CHURC1: variants seen among roughly 807,000 people sequenced by gnomAD.
CHURC1 encodes protein Churchill.
Under a neutral mutation model 15.4 loss-of-function variants are expected in CHURC1, and 12 were observed. That is an observed-to-expected ratio of 0.78 (90% CI 0.50 to 1.27). The LOEUF is 1.27. Ranked by LOEUF, CHURC1 falls within the 50% of genes most tolerant of loss-of-function variation. The pLI is 0.00. For missense variants in CHURC1, 132 were observed against 137.8 expected (o/e 0.96, Z 0.21); for synonymous variants, 42 against 47.5 (o/e 0.88, Z 0.48).
chr14:64,931,677 A>T (rs1296569469), intron 3 of CHURC1, among the ~76,000 whole-genome samples: 1 of 152,228 alleles, frequency 6.6e-6, no homozygotes, highest in South Asian at 2.1e-4. Context: ...TCTGAAAATG[A>T]GGCAGGACAT....
chr14:64,926,010 A>G lies in CHURC1; in HGVS notation c.176A>G (p.His59Arg). 6.3e-7 allele frequency: 1 copy of G among 1,595,292 alleles called. No individual in the cohort carries two copies. The highest frequency in any genetic ancestry group is 1.7e-4 in the Middle Eastern group (1 of 6,000). The change falls in exon 3 of 4, where the codon CAT becomes CGT. Residue 59 changes from histidine to arginine, a missense_variant and splice_region_variant. Physicochemically the swap from His to Arg is conservative, Grantham distance 29 (BLOSUM62 0). Transcript: ENST00000549115. ...EDGEEIVTYD[H>R]LCKNCHHVIA... is the part of the protein sequence containing the mutation. ...CGTAAGTCTCTCTTTGTTTTAGCAG[A>G]TTTGTGTAAGAATTGTCATCATGTA... is the stretch of plus-strand genomic sequence containing the variant.
At position 64,933,777 on chromosome 14, in the gene CHURC1, G is replaced by A. The variant is rs765612461; in HGVS notation, c.*1547G>A. The A allele has an allele frequency of 1.9e-5, 19 of 985,426 alleles. No individual in the cohort carries two copies. The highest frequency in any genetic ancestry group is 2.3e-5 in the Non-Finnish European group (19 of 829,924). 61.0% of individuals were successfully genotyped at this position (985,426 alleles called of 1,614,324 possible). A position where few individuals can be genotyped will look rare whatever the true frequency, so the allele number is the denominator to read the frequency against. On this transcript the variant is annotated 3_prime_UTR_variant, in exon 4 of 4. Coordinates refer to ENST00000549115, the MANE Select transcript of CHURC1 (RefSeq NM_001386928.1). ...AAGGTCTTATAAGAACAAGAAATGA[G>A]CAAAGTGTTCATTGTAGATACTAGG...
intron 3 of CHURC1, among the ~76,000 whole-genome samples, chr14:64,931,785 T>C (rs1253421070): frequency 6.6e-6 from 1 of 152,230 alleles, no homozygotes; most frequent in Non-Finnish European, 1.5e-5. Flanking sequence ...GTTTCTGTTG[T>C]GTATTAGTGT....
chr14:64,927,608 G>C (rs995916325), intron 3 of CHURC1, among the ~76,000 whole-genome samples: 17 of 151,928 alleles, frequency 1.1e-4, no homozygotes, highest in African/African-American at 3.4e-4. Context: ...TCTGGGACAG[G>C]AAGAAGGTAA....
intron 1 of CHURC1, among the ~76,000 whole-genome samples, chr14:64,921,266 A>G (rs1280545600): frequency 2.0e-5 from 3 of 152,174 alleles, no homozygotes; most frequent in Non-Finnish European, 4.4e-5. Flanking sequence ...AATGTAAGAA[A>G]CTTTGTGCAA....
chr14:64,932,187 G>T lies in CHURC1; in HGVS notation c.296G>T (p.Ser99Ile), dbSNP rs373972025. 6.2e-7 allele frequency: 1 copy of T among 1,613,884 alleles called. No individual in the cohort carries two copies. Among genetic ancestry groups the T allele is most frequent in the African/African-American group, 1.3e-5 (1 of 74,918 alleles). ...LLCGKAEDTI[S>I]ILPDDPRQMT... ...TGCGGCAAAGCCGAAGATACTATCA[G>T]TATTCTCCCTGATGACCCCCGACAA... Residue 99 changes from serine (S) to isoleucine (I), a missense_variant, in exon 4 of 4, where the codon AGT (serine) becomes ATT (isoleucine). Ser to Ile is a moderately radical substitution (Grantham distance 142). Coordinates refer to ENST00000549115, the MANE Select transcript of CHURC1 (RefSeq NM_001386928.1).
At chr14:64,922,006 T>C (rs1481382557) in intron 1 of CHURC1, among the ~76,000 whole-genome samples, 2 of 151,930 alleles carry the variant, frequency 1.3e-5, no homozygotes, top group African/African-American at 4.8e-5. Context: ...GCAAGGAAAA[T>C]TGGATGCGGG....
intron 1 of CHURC1, among the ~76,000 whole-genome samples, chr14:64,921,666 TAGCTATAG>T (rs1191941924): frequency 3.3e-5 from 5 of 152,232 alleles, no homozygotes; most frequent in African/African-American, 1.2e-4. Flanking sequence ...AGTATTGATG[TAGCTATAG>T]AGCAACTGGA....
At chr14:64,924,164 A>G in intron 2 of CHURC1, 38 bp downstream of exon 2, 3 of 1,572,468 alleles carry the variant, frequency 1.9e-6, no homozygotes, top group Non-Finnish European at 2.6e-6. Flanking sequence ...GTGTGTTAGC[A>G]GGTGTCAGCT....
chr14:64,927,338 T>C (rs1029299866), intron 3 of CHURC1, among the ~76,000 whole-genome samples: 2 of 152,164 alleles, frequency 1.3e-5, no homozygotes, highest in African/African-American at 4.8e-5. Context: ...TCTTAGTGAA[T>C]GAGTAGTGGC....
chr14:64,920,925 A>C (rs1293007357), intron 1 of CHURC1, among the ~76,000 whole-genome samples: 2 of 152,240 alleles, frequency 1.3e-5, no homozygotes, highest in Non-Finnish European at 2.9e-5. Flanking sequence ...GAATAGCCAG[A>C]TTATAGGACA....
intron 1 of CHURC1, 131 bp from the exon 2 acceptor site, chr14:64,923,860 T>C: frequency 1.3e-6 from 1 of 765,882 alleles, no homozygotes; most frequent in South Asian, 5.7e-5. Context: ...AATTATTTGG[T>C]ATATGACCTA....
chr14:64,915,786 A>G lies in CHURC1; in HGVS notation c.39+1252A>G, dbSNP rs368754563. 3.6e-4 allele frequency among the ~76,000 whole-genome samples: 55 copies of G among 152,368 alleles called. 1 individual carries two copies. In the East Asian group the frequency reaches 5.8e-3, roughly 16 times the overall value. On this transcript the variant is annotated intron_variant, in intron 1 of 3. Transcript: ENST00000549115. ...TATATGCTTCTGAAGACTTTTATAA[A>G]TAAGTGTTCATAACAGCATTATTTT...
At chr14:64,927,694 C>T (rs1385692530) in intron 3 of CHURC1, among the ~76,000 whole-genome samples, 1 of 147,908 alleles carries the variant, frequency 6.8e-6, no homozygotes, top group Non-Finnish European at 1.5e-5. Flanking sequence ...AGACTCTCTA[C>T]TCCCAGTCTA....
intron 2 of CHURC1, 78 bp from the exon 3 acceptor site, chr14:64,925,932 C>A: frequency 1.9e-6 from 2 of 1,043,238 alleles, no homozygotes; most frequent in Non-Finnish European, 2.8e-6. Flanking sequence ...AAATAATATG[C>A]TGAGAATAGA....
At chr14:64,931,023 C>G (rs1885050781) in intron 3 of CHURC1, 1 of 325,988 alleles carries the variant, frequency 3.1e-6, no homozygotes, top group Admixed American at 4.4e-5. Flanking sequence ...CTCTGTGGCC[C>G]TCTCTAGTGA....
At position 64,934,573 on chromosome 14, in the gene CHURC1, G is replaced by T; in HGVS notation, c.*2343G>T. 1 of 985,426 alleles carries T rather than the reference G, an allele frequency of 1.0e-6. No homozygotes were observed. The highest frequency in any genetic ancestry group is 4.7e-5 in the South Asian group (1 of 21,286). 61.0% of individuals were successfully genotyped at this position (985,426 alleles called of 1,614,324 possible). On this transcript the variant is annotated 3_prime_UTR_variant, in exon 4 of 4. Transcript: ENST00000549115. Reference sequence around the variant, plus strand: ...ATTCAGAAAAGTTAAGTCAGCTGTTGCAGGGATCAGTTGTTTTATTCCTGG... The same window carrying T: ...ATTCAGAAAAGTTAAGTCAGCTGTTTCAGGGATCAGTTGTTTTATTCCTGG...
intron 1 of CHURC1, among the ~76,000 whole-genome samples, chr14:64,922,895 T>C (rs1347672881): frequency 6.6e-6 from 1 of 152,176 alleles, no homozygotes; most frequent in Non-Finnish European, 1.5e-5. Flanking sequence ...GCATTATTTA[T>C]GGTGGATCTT....
At chr14:64,919,246 C>T (rs993521629) in intron 1 of CHURC1, among the ~76,000 whole-genome samples, 39 of 152,068 alleles carry the variant, frequency 2.6e-4, no homozygotes, top group African/African-American at 8.7e-4. Flanking sequence ...TGAAACATTT[C>T]ATATATTTTA....
Sources: gnomAD v4.1 joint callset for allele counts (sites outside exome capture counted in the v4.1 genomes callset) on GRCh38, gnomAD v4.1.1 for gene constraint, MANE v1.5 for transcripts, NCBI Gene and HGNC (gene_info 2026-07-23, HGNC 2026-07-21) for gene names.